EXOC6: variants seen among roughly 807,000 people sequenced by gnomAD.
The protein encoded by EXOC6 is exocyst complex component 6, also known as SEC15-like 1.
Under a neutral mutation model 112.5 loss-of-function variants are expected in EXOC6, and 60 were observed. The ratio of observed to expected loss-of-function variants is 0.53; its 90% confidence interval spans 0.43 to 0.66. EXOC6 has a LOEUF of 0.66. Ranked by LOEUF, EXOC6 falls within the 30% of genes least tolerant of loss-of-function variation. The probability of loss-of-function intolerance (pLI) is 0.00; values close to 1 mark genes in which losing one functional copy is unlikely to be tolerated. For synonymous variants in EXOC6, 295 were observed against 308.0 expected, an observed-to-expected ratio of 0.96 and a Z score of 0.44; for missense variants, 855 against 957.1, an observed-to-expected ratio of 0.89 and a Z score of 1.41.
exon 1 of EXOC6, chr10:92,834,802 C>G: frequency 3.1e-6 from 5 of 1,610,596 alleles, no homozygotes; most frequent in Non-Finnish European, 4.2e-6. Context: ...GTCTTTCGAA[C>G]TGCCTGTTGA....
intron 13 of EXOC6, among the ~76,000 whole-genome samples, chr10:92,941,903 C>T (rs1281754778): frequency 6.6e-6 from 1 of 152,132 alleles, no homozygotes; most frequent in Non-Finnish European, 1.5e-5. Flanking sequence ...GTCTCTTTCT[C>T]TCCATCCTTC....
intron 18 of EXOC6, among the ~76,000 whole-genome samples, chr10:92,978,582 G>A (rs1277485338): frequency 6.6e-6 from 1 of 152,110 alleles, no homozygotes; most frequent in Non-Finnish European, 1.5e-5. Flanking sequence ...TCCTGAAATT[G>A]TATTAAATAT....
intron 14 of EXOC6, among the ~76,000 whole-genome samples, chr10:92,950,857 G>T (rs61862326): frequency 0.011 from 1,721 of 152,290 alleles, 19 homozygotes; most frequent in Non-Finnish European, 0.017. Flanking sequence ...TGGTGGCAGG[G>T]AGACCACCTA....
intron 1 of EXOC6, among the ~76,000 whole-genome samples, chr10:92,851,264 C>G (rs1847317130): frequency 6.6e-6 from 1 of 152,230 alleles, no homozygotes; most frequent in South Asian, 2.1e-4. Flanking sequence ...GACAGAAATA[C>G]AGAAAGTCAG....
intron 20 of EXOC6, among the ~76,000 whole-genome samples, chr10:93,019,232 G>A (rs909873281): frequency 1.1e-4 from 17 of 151,892 alleles, no homozygotes; most frequent in East Asian, 3.9e-4. Flanking sequence ...CACCCGCCTC[G>A]GCCTCCCAAA....
intron 20 of EXOC6, among the ~76,000 whole-genome samples, chr10:93,047,744 G>C (rs1321892765): frequency 6.6e-6 from 1 of 152,080 alleles, no homozygotes; most frequent in Non-Finnish European, 1.5e-5. Context: ...TCAGGAGTTT[G>C]AGACCAGCCT....
chr10:93,046,467 G>A (rs1846004274), intron 20 of EXOC6, among the ~76,000 whole-genome samples: 1 of 152,174 alleles, frequency 6.6e-6, no homozygotes, highest in South Asian at 2.1e-4. Flanking sequence ...GTCTGGAGAG[G>A]CTTCCTGGGA....
rs745388332 is a variant in EXOC6, at chr10:92,997,427, C to G, written c.1954-47C>G. 2.5e-5 allele frequency: 39 copies of G among 1,548,452 alleles called. 1 individual carries two copies. The highest frequency in any genetic ancestry group is 3.4e-4 in the Middle Eastern group (2 of 5,876). On this transcript the variant is annotated intron_variant, in intron 18 of 21. Coordinates refer to ENST00000260762, the MANE Select transcript of EXOC6 (RefSeq NM_019053.6). ...TTTTCTGATTCTTTATGATGTATTT[C>G]TATGTGTGTTTATTTGTTTGATTTT...
intron 19 of EXOC6, among the ~76,000 whole-genome samples, chr10:93,013,068 G>A (rs1444712974): frequency 6.6e-6 from 1 of 151,950 alleles, no homozygotes; most frequent in Non-Finnish European, 1.5e-5. Context: ...AATTAATGGG[G>A]TGGGAAAATG....
At chr10:92,988,975 G>A (rs1843122035) in intron 18 of EXOC6, among the ~76,000 whole-genome samples, 1 of 152,144 alleles carries the variant, frequency 6.6e-6, no homozygotes, top group Admixed American at 6.5e-5. Context: ...ACATTCTAAT[G>A]CAACCTCTTT....
At chr10:92,831,139 G>A (rs1050237335), upstream of EXOC6, among the ~76,000 whole-genome samples, 6 of 152,104 alleles carry the variant, frequency 3.9e-5, no homozygotes. Context: ...TGTCTCCTAC[G>A]GTGTAGAAGA....
At chr10:92,865,941 A>G (rs1306129380) in intron 1 of EXOC6, among the ~76,000 whole-genome samples, 5 of 152,130 alleles carry the variant, frequency 3.3e-5, no homozygotes, top group Non-Finnish European at 5.9e-5. Flanking sequence ...GGGTCATCAT[A>G]AAAGTCTTCA....
At position 92,941,117 on chromosome 10, in the gene EXOC6, A is replaced by G. The variant is rs145975078; in HGVS notation, c.1310+293A>G. 7.9e-3 allele frequency among the ~76,000 whole-genome samples: 1,197 copies of G among 151,086 alleles called. 16 individuals carry two copies. Among genetic ancestry groups the G allele is most frequent in the South Asian group, 0.016 (75 of 4,776 alleles). On this transcript the variant is annotated intron_variant, in intron 13 of 21. Transcript: ENST00000260762. Reference sequence around the variant, plus strand: ...CTTCCCCCAGCCTCTGGCAACCACCACTCTTGCTTTGTCTCTAAAATTTGA... The same window carrying G: ...CTTCCCCCAGCCTCTGGCAACCACCGCTCTTGCTTTGTCTCTAAAATTTGA...
chr10:92,870,239 C>T (rs1848383806), intron 1 of EXOC6, among the ~76,000 whole-genome samples: 1 of 152,066 alleles, frequency 6.6e-6, no homozygotes, highest in Non-Finnish European at 1.5e-5. Flanking sequence ...TAGGCATGAG[C>T]CACCGCGTGC....
intron 13 of EXOC6, among the ~76,000 whole-genome samples, chr10:92,944,147 G>T (rs770599663): frequency 6.6e-6 from 1 of 151,988 alleles, no homozygotes; most frequent in Non-Finnish European, 1.5e-5. Flanking sequence ...CCATTCAAAG[G>T]TCGATTCCGT....
chr10:92,827,717 T>C (rs2133557283), intron 1 of EXOC6, among the ~76,000 whole-genome samples: 1 of 152,246 alleles, frequency 6.6e-6, no homozygotes, highest in Admixed American at 6.5e-5. Context: ...ACAGACCAGA[T>C]GATTCCAGAA....
At chr10:92,889,869 C>A (rs887405389) in intron 1 of EXOC6, among the ~76,000 whole-genome samples, 3 of 152,138 alleles carry the variant, frequency 2.0e-5, no homozygotes, top group African/African-American at 4.8e-5. Flanking sequence ...CCCATCTCAG[C>A]CTACTGAGTA....
rs762383611 is a variant in EXOC6, at chr10:92,934,269, T to G, written c.1020-41T>G. On this transcript the variant is annotated intron_variant, in intron 10 of 21. Coordinates refer to ENST00000260762, the MANE Select transcript of EXOC6 (RefSeq NM_019053.6). The stretch of plus-strand genomic sequence containing the variant: ...CAGAAATACTTACTTTCTATTAGGG[T>G]TTTTTTTTTTAACACATGCTTTGGT... 2.9e-5 allele frequency: 24 copies of G among 840,666 alleles called. 1 individual carries two copies. The South Asian group carries it at 6.1e-4, about 22-fold the overall frequency. 52.1% of individuals were successfully genotyped at this position (840,666 alleles called of 1,614,324 possible).
intron 5 of EXOC6, chr10:92,900,718 A>G (rs1327119945): frequency 6.7e-6 from 1 of 148,578 alleles, no homozygotes; most frequent in Non-Finnish European, 1.5e-5. Context: ...TTCCTTCTTT[A>G]TAGGAGCAAA....
Sources: gnomAD v4.1 joint callset for allele counts (sites outside exome capture counted in the v4.1 genomes callset) on GRCh38, gnomAD v4.1.1 for gene constraint, MANE v1.5 for transcripts, NCBI Gene and HGNC (gene_info 2026-07-23, HGNC 2026-07-21) for gene names.